The following KIAA0319L variants were observed in gnomAD, a reference collection of about 807,000 sequenced individuals.
KIAA0319L encodes dyslexia-associated protein KIAA0319-like protein.
A neutral mutation model predicts 120.1 loss-of-function variants in KIAA0319L; 55 were observed. The observed-to-expected ratio is 0.46, with a 90% CI of 0.37 to 0.57. The LOEUF (loss-of-function observed/expected upper bound fraction) is 0.57, where lower values mean the gene tolerates loss of function less well. Ranked by LOEUF, KIAA0319L falls within the 20% of genes least tolerant of loss-of-function variation. The pLI is 0.00. For synonymous variants in KIAA0319L, 398 were observed against 471.9 expected, an observed-to-expected ratio of 0.84 and a Z score of 2.03; for missense variants, 1,049 against 1,255.3, an observed-to-expected ratio of 0.84 and a Z score of 2.48.
chr1:35,530,171 G>A (rs774577997), intron 2 of KIAA0319L, among the ~76,000 whole-genome samples: 8 of 150,754 alleles, frequency 5.3e-5, no homozygotes, highest in Admixed American at 4.0e-4. Flanking sequence ...GCGTAGCTGC[G>A]ACTACAGGCA....
intron 3 of KIAA0319L, among the ~76,000 whole-genome samples, chr1:35,501,340 T>C (rs1044938047): frequency 2.0e-5 from 3 of 152,224 alleles, no homozygotes; most frequent in East Asian, 1.9e-4. Context: ...ATAATTATCC[T>C]ATAGTATGCT....
rs1296681297 is a variant in KIAA0319L, at chr1:35,529,601, GT to G, written c.143-22467del. ...TACAGTATCCTTAACTGGCAGGTTT[GT>G]TTTTTCCCTTCAGCACTTTGAATAT... On this transcript the variant is annotated intron_variant, in intron 2 of 20. Coordinates refer to ENST00000325722, the MANE Select transcript of KIAA0319L (RefSeq NM_024874.5). Among the ~76,000 whole-genome samples, 6 of 152,298 alleles carry G rather than the reference GT, an allele frequency of 3.9e-5. No individual in the cohort carries two copies. In the South Asian group the frequency reaches 1.2e-3, roughly 32 times the overall value.
intron 8 of KIAA0319L, 64 bp downstream of exon 8, chr1:35,462,557 G>T: frequency 3.7e-6 from 5 of 1,341,144 alleles, no homozygotes; most frequent in South Asian, 2.4e-5. Flanking sequence ...TCTTCTACTA[G>T]AGTTTTCTAT....
chr1:35,474,756 T>A (rs1357737547), intron 5 of KIAA0319L, 49 bp downstream of exon 5: 4 of 1,095,746 alleles, frequency 3.7e-6, no homozygotes, highest in Admixed American at 3.4e-5. Flanking sequence ...CAAGACTCCA[T>A]CTCTTTCAAA....
intron 2 of KIAA0319L, chr1:35,533,507 T>C (rs752955667): frequency 2.0e-5 from 3 of 152,242 alleles, no homozygotes; most frequent in Non-Finnish European, 2.9e-5. Context: ...TTTACCGTCA[T>C]TGAAGCTAAA....
chr1:35,541,204 A>C (rs1478185420), intron 2 of KIAA0319L, among the ~76,000 whole-genome samples: 2 of 151,932 alleles, frequency 1.3e-5, no homozygotes, highest in East Asian at 3.9e-4. Context: ...GGCCTCCCAA[A>C]CTGCTGGGAT....
chr1:35,502,789 T>A (rs927330556), intron 3 of KIAA0319L, among the ~76,000 whole-genome samples: 4 of 152,230 alleles, frequency 2.6e-5, no homozygotes, highest in African/African-American at 9.7e-5. Context: ...TATCTTTGCC[T>A]CTTTTTATAC....
In KIAA0319L at chr1:35,448,338, A is replaced by G; in HGVS notation, c.2354-6T>C. On this transcript the variant is annotated splice_region_variant and splice_polypyrimidine_tract_variant and intron_variant, in intron 15 of 20. Transcript: ENST00000325722. ...CAGGTTGTTTTTCCTGGGATCTGGA[A>G]AGCATGTGGATCAGTCATGGCTTTA... 6.2e-7 allele frequency: 1 copy of G among 1,612,944 alleles called. No homozygotes were observed. The highest frequency in any genetic ancestry group is 8.5e-7 in the Non-Finnish European group (1 of 1,179,334).
chr1:35,457,494 G>C (rs1007132051), intron 9 of KIAA0319L, among the ~76,000 whole-genome samples: 7 of 131,452 alleles, frequency 5.3e-5, no homozygotes, highest in Admixed American at 1.6e-4. Context: ...CACAGGATTT[G>C]CAAAAAAAAA....
At chr1:35,458,810 T>C (rs957036011) in intron 9 of KIAA0319L, among the ~76,000 whole-genome samples, 1 of 152,234 alleles carries the variant, frequency 6.6e-6, no homozygotes, top group Admixed American at 6.5e-5. Flanking sequence ...AGCTGAATTC[T>C]GTAAATAGAA....
At chr1:35,440,735 G>A (rs1301058217) in intron 20 of KIAA0319L, 2 of 376,710 alleles carry the variant, frequency 5.3e-6, no homozygotes, top group African/African-American at 4.1e-5. Context: ...CAAGGTCCCT[G>A]ACCCTGACTA....
chr1:35,536,874 T>C (rs1236299409), intron 2 of KIAA0319L, among the ~76,000 whole-genome samples: 1 of 140,056 alleles, frequency 7.1e-6, no homozygotes, highest in Non-Finnish European at 1.6e-5. Context: ...GCTATGCACT[T>C]AAAAAAAAAA....
chr1:35,540,960 T>C (rs1024489250), intron 2 of KIAA0319L, among the ~76,000 whole-genome samples: 3 of 152,070 alleles, frequency 2.0e-5, no homozygotes, highest in African/African-American at 7.2e-5. Flanking sequence ...TTTTTTTTTC[T>C]TGAGACAGTC....
chr1:35,520,228 T>C (rs377633631), intron 2 of KIAA0319L, among the ~76,000 whole-genome samples: 7 of 152,150 alleles, frequency 4.6e-5, no homozygotes, highest in Admixed American at 6.5e-5. Flanking sequence ...GCCTCCCAAG[T>C]AGCTGGGACT....
At chr1:35,546,618 T>G (rs1646992697) in intron 2 of KIAA0319L, among the ~76,000 whole-genome samples, 1 of 152,210 alleles carries the variant, frequency 6.6e-6, no homozygotes, top group Non-Finnish European at 1.5e-5. Context: ...AGTAAGTAAT[T>G]TTAAAAATGA....
chr1:35,499,612 C>T (rs1290312908), intron 3 of KIAA0319L, among the ~76,000 whole-genome samples: 1 of 151,762 alleles, frequency 6.6e-6, no homozygotes, highest in Non-Finnish European at 1.5e-5. Flanking sequence ...CCAATAAACG[C>T]AATTTCAAAC....
chr1:35,476,273 C>A (rs115008070), intron 4 of KIAA0319L, among the ~76,000 whole-genome samples: 1 of 152,164 alleles, frequency 6.6e-6, no homozygotes. Flanking sequence ...ACTCACCAGA[C>A]GTCAGTAGCA....
intron 15 of KIAA0319L, 53 bp downstream of exon 15, chr1:35,449,814 C>T: frequency 2.5e-6 from 4 of 1,604,414 alleles, no homozygotes; most frequent in Non-Finnish European, 3.4e-6. Flanking sequence ...GGATAGAGGC[C>T]TTGATTGGCT....
At chr1:35,461,180 C>T (rs1422070041) in intron 8 of KIAA0319L, among the ~76,000 whole-genome samples, 2 of 152,030 alleles carry the variant, frequency 1.3e-5, no homozygotes, top group Non-Finnish European at 2.9e-5. Flanking sequence ...AAGAAAAATT[C>T]TCTAGGCCAG....
Sources: allele counts gnomAD v4.1 joint callset (sites outside exome capture counted in the v4.1 genomes callset), GRCh38; gene constraint gnomAD v4.1.1; transcripts MANE v1.5; gene names NCBI Gene and HGNC (gene_info 2026-07-23, HGNC 2026-07-21).